Variants in PRMT2 observed in about 807,000 individuals in gnomAD.
PRMT2 encodes protein arginine N-methyltransferase 2.
A neutral mutation model predicts 57.6 loss-of-function variants in PRMT2; 26 were observed. The ratio of observed to expected loss-of-function variants is 0.45; its 90% CI spans 0.33 to 0.63. The LOEUF (loss-of-function observed/expected upper bound fraction) is 0.63. PRMT2 is among the 20% of genes least tolerant of loss of function. The pLI is 0.02. For synonymous variants in PRMT2, 219 were observed against 220.0 expected, an observed-to-expected ratio of 1.00 and a Z score of 0.04; for missense variants, 472 against 564.4, an observed-to-expected ratio of 0.84 and a Z score of 1.66.
Position 46,658,888 on chromosome 21 carries a change from C to G in PRMT2, c.798C>G (p.Asp266Glu), listed in dbSNP as rs1297488222. 6.2e-7 allele frequency: 1 copy of G among 1,614,166 alleles called. No homozygotes were observed. Among genetic ancestry groups the G allele is most frequent in the East Asian group, 2.2e-5 (1 of 44,882 alleles). The change falls in exon 8 of 12, where the codon GAC becomes GAG. Residue 266 changes from aspartate (D) to glutamate (E), a missense_variant. Physicochemically the swap from Asp to Glu is conservative, Grantham distance 45. Around this residue, in one of 2 missense-constraint regions of PRMT2, gnomAD observed 229 missense variants for 217.2 expected, o/e 1.05. Transcript: ENST00000355680. ...ATCGTAGCAAGGTGCTCTTCTGGGACAACGCGTACGAGTTCAACCTCAGCG... is the reference window on the plus strand; with the variant it reads ...ATCGTAGCAAGGTGCTCTTCTGGGAGAACGCGTACGAGTTCAACCTCAGCG... ...KDYRSKVLFW[D>E]NAYEFNLSAL...
At position 46,635,761 on chromosome 21, in the gene PRMT2, G is replaced by A. The variant is rs982534360; in HGVS notation, c.-168G>A. The A allele has an allele frequency of 1.3e-5, 2 of 152,400 alleles. No individual in the cohort carries two copies. Among genetic ancestry groups the A allele is most frequent in the African/African-American group, 4.8e-5 (2 of 41,474 alleles). 9.4% of individuals were successfully genotyped at this position (152,400 alleles called of 1,614,324 possible). The stretch of plus-strand genomic sequence containing the variant: ...CGGAACTCAGCGGAGAAACGCGATT[G>A]AGGTAGGTGTCCTGATGGGCAGCTC... On this transcript the variant is annotated splice_region_variant and 5_prime_UTR_variant, in exon 1 of 12. Coordinates refer to ENST00000355680, the MANE Select transcript of PRMT2 (RefSeq NM_206962.4).
chr21:46,658,618 A>G (rs2061573470), intron 7 of PRMT2, 127 bp from the exon 8 acceptor site: 6 of 1,487,026 alleles, frequency 4.0e-6, no homozygotes, highest in Non-Finnish European at 5.4e-6. Context: ...ACACTGGCCT[A>G]GGCAGGAATA....
At chr21:46,659,652 C>T in intron 8 of PRMT2, 1 of 985,440 alleles carries the variant, frequency 1.0e-6, no homozygotes, top group Non-Finnish European at 1.2e-6. Context: ...GTAGCCCAGG[C>T]TTGCCTGGCA....
chr21:46,652,424 A>G, intron 7 of PRMT2: 4 of 1,059,134 alleles, frequency 3.8e-6, no homozygotes, highest in Non-Finnish European at 4.6e-6. Context: ...TAAGAAAAGC[A>G]TAAGATAAAG....
rs765598184 is a variant in PRMT2 at position 46,664,360 on chromosome 21, T to C, written c.*33T>C. The C allele has an allele frequency of 1.2e-6, 2 of 1,614,050 alleles. No individual in the cohort carries two copies. Among genetic ancestry groups the C allele is most frequent in the South Asian group, 2.2e-5 (2 of 91,086 alleles). On this transcript the variant is annotated 3_prime_UTR_variant, in exon 12 of 12. Transcript: ENST00000355680. The stretch of plus-strand genomic sequence containing the variant: ...TGCTTTATTTGGAAAGCAGTGTGCA[T>C]ATCTTGAGGGGTGATGAACACAAGC...
At chr21:46,652,036 G>C (rs775298004) in intron 7 of PRMT2, 1 of 1,612,656 alleles carries the variant, frequency 6.2e-7, no homozygotes, top group Non-Finnish European at 8.5e-7. Context: ...TCTGAAGACA[G>C]AGAAGAGTGC....
At chr21:46,653,611 CT>C in intron 7 of PRMT2, 1 of 1,163,194 alleles carries the variant, frequency 8.6e-7, no homozygotes, top group Non-Finnish European at 1.1e-6. Flanking sequence ...GGCCCCTTTG[CT>C]TGATGTTCAT....
In PRMT2 at chr21:46,652,000, A is replaced by G. The variant is rs185123850; in HGVS notation, c.654+2261A>G. The G allele has an allele frequency of 7.3e-5, 118 of 1,612,910 alleles. No individual in the cohort carries two copies. In the African/African-American group the frequency reaches 1.4e-3, roughly 19 times the overall value. ...TTCATCTCTCCTGGCCCATCTTCCT[A>G]CTCTGACGCTGACATGTAGTAAAAG... On this transcript the variant is annotated intron_variant, in intron 7 of 11. Coordinates refer to ENST00000355680, the MANE Select transcript of PRMT2 (RefSeq NM_206962.4).
At chr21:46,651,781 A>T in intron 7 of PRMT2, 1 of 1,611,984 alleles carries the variant, frequency 6.2e-7, no homozygotes, top group South Asian at 1.1e-5. Context: ...GTGCGGTTGT[A>T]CCCACCTTCA....
intron 11 of PRMT2, 111 bp from the exon 12 acceptor site, chr21:46,664,184 A>C (rs1601961722): frequency 5.8e-6 from 5 of 869,140 alleles, no homozygotes; most frequent in Non-Finnish European, 5.5e-6. Context: ...ATTTAAAAAA[A>C]TTCTGCACCT....
At position 46,648,426 on chromosome 21, in the gene PRMT2, A is replaced by G; in HGVS notation, c.328-32A>G. On this transcript the variant is annotated intron_variant, in intron 5 of 11. Coordinates refer to ENST00000355680, the MANE Select transcript of PRMT2 (RefSeq NM_206962.4). This position sits in a 1 kb window ranked among gnomAD's most constrained non-coding sequence, Gnocchi z 4.8. ...AGACCTCAGCATGGCTCTAGGTCACAGGCAGTGATTCTGAATGTGCATTTC... is the reference window on the plus strand; with the variant it reads ...AGACCTCAGCATGGCTCTAGGTCACGGGCAGTGATTCTGAATGTGCATTTC... 6.2e-7 allele frequency: 1 copy of G among 1,610,772 alleles called. No homozygotes were observed. The highest frequency in any genetic ancestry group is 8.5e-7 in the Non-Finnish European group (1 of 1,177,842).
At chr21:46,640,692 C>G (rs1191160580) in intron 3 of PRMT2, among the ~76,000 whole-genome samples, 14 of 151,674 alleles carry the variant, frequency 9.2e-5, no homozygotes, top group Non-Finnish European at 1.5e-5. Context: ...ATCTGCCCAC[C>G]TTGGCCTTGA....
At position 46,661,201 on chromosome 21, in the gene PRMT2, C is replaced by A. The variant is rs570537518; in HGVS notation, c.960+239C>A. ...ATTGTACACCATTTTATGTCTCCAG[C>A]GTCTTCATTTTAGATTTATGTTTAA... is the stretch of plus-strand genomic sequence containing the variant. On this transcript the variant is annotated intron_variant, in intron 9 of 11. Coordinates refer to ENST00000355680, the MANE Select transcript of PRMT2 (RefSeq NM_206962.4). 3.3e-5 allele frequency: 11 copies of A among 331,556 alleles called. No homozygotes were observed. The South Asian group carries it at 8.5e-4, about 26-fold the overall frequency. 20.5% of individuals were successfully genotyped at this position (331,556 alleles called of 1,614,324 possible).
chr21:46,652,214 G>A, intron 7 of PRMT2: 10 of 1,368,604 alleles, frequency 7.3e-6, no homozygotes, highest in East Asian at 5.3e-5. Context: ...AAGAAAAGGA[G>A]GAAACAAAAA....
chr21:46,659,302 T>C (rs973199986), intron 8 of PRMT2: 4 of 1,010,918 alleles, frequency 4.0e-6, no homozygotes, highest in Admixed American at 5.7e-5. Context: ...TGGGGGCCTG[T>C]GTGCACCATC....
At chr21:46,642,392 A>G (rs1019652680) in intron 3 of PRMT2, among the ~76,000 whole-genome samples, 1 of 152,254 alleles carries the variant, frequency 6.6e-6, no homozygotes, top group Admixed American at 6.5e-5. Flanking sequence ...TTCAGAGTTT[A>G]TAAAGTGAAA....
chr21:46,660,749 C>T, intron 8 of PRMT2, 84 bp from the exon 9 acceptor site: 2 of 1,502,474 alleles, frequency 1.3e-6, no homozygotes, highest in African/African-American at 1.4e-5. Context: ...GAAGGGAGAG[C>T]ACTCACCGCG....
intron 7 of PRMT2, chr21:46,652,306 A>G: frequency 7.9e-7 from 1 of 1,258,154 alleles, no homozygotes; most frequent in Non-Finnish European, 1.0e-6. Context: ...CAAATAAAAT[A>G]CTTGACAAAA....
chr21:46,637,068 A>G, intron 3 of PRMT2, 78 bp downstream of exon 3: 1 of 1,487,228 alleles, frequency 6.7e-7, no homozygotes, highest in Admixed American at 1.8e-5. Context: ...CAGCTCACAG[A>G]TGTGATGGAG....
Sources: allele counts gnomAD v4.1 joint callset (sites outside exome capture counted in the v4.1 genomes callset), GRCh38; gene constraint gnomAD v4.1.1; regional missense constraint gnomAD v4.1.1; non-coding constraint Gnocchi (gnomAD v3.1); transcripts MANE v1.5; gene names NCBI Gene and HGNC (gene_info 2026-07-23, HGNC 2026-07-21).